Variants in SEMA3A observed in about 807,000 individuals in gnomAD.
SEMA3A encodes semaphorin-3A.
SEMA3A carries 29 observed loss-of-function variants against 97.9 expected under a neutral mutation model. That is an observed-to-expected ratio of 0.30 (90% CI 0.22 to 0.40). The LOEUF (loss-of-function observed/expected upper bound fraction) is 0.40, where lower values mean the gene tolerates loss of function less well. Ranked by LOEUF, SEMA3A falls within the 10% of genes least tolerant of loss-of-function variation. The probability of loss-of-function intolerance (pLI) is 1.00; values close to 1 mark genes in which losing one functional copy is unlikely to be tolerated. For synonymous variants in SEMA3A, 321 were observed against 323.7 expected (o/e 0.99, Z 0.09); for missense variants, 763 against 951.3 (o/e 0.80, Z 2.60).
intron 1 of SEMA3A, among the ~76,000 whole-genome samples, chr7:84,460,374 C>T (rs1054888009): frequency 6.6e-5 from 10 of 150,956 alleles, no homozygotes; most frequent in African/African-American, 1.9e-4. Context: ...TAATGAATCA[C>T]GTGGAGCTAT....
intron 4 of SEMA3A, among the ~76,000 whole-genome samples, chr7:84,100,451 T>C (rs1794926727): frequency 6.6e-6 from 1 of 152,174 alleles, no homozygotes; most frequent in Non-Finnish European, 1.5e-5. Flanking sequence ...TTCTCATTAG[T>C]AAAATGAAGA....
rs1195105423 is a variant in SEMA3A at position 84,207,798 on chromosome 7, T to C, written c.-82-13130A>G. Among the ~76,000 whole-genome samples, 4 of 152,208 alleles carry C rather than the reference T, an allele frequency of 2.6e-5. No individual in the cohort carries two copies. The East Asian group carries it at 5.8e-4, about 22-fold the overall frequency. On this transcript the variant is annotated intron_variant, in intron 3 of 3. Coordinates refer to the SEMA3A transcript ENST00000424555. ...TAGTAGGTTGGTGGGGCTGTTGCTA[T>C]GGGAGGCGGGTTTCCCTGCAATTGA...
chr7:84,386,596 T>C (rs531118856), intron 1 of SEMA3A, among the ~76,000 whole-genome samples: 3 of 152,340 alleles, frequency 2.0e-5, no homozygotes, highest in African/African-American at 7.2e-5. Context: ...CCCTCCCATA[T>C]ATAATTTTGC....
rs536378847 is a variant in SEMA3A at position 84,173,978 on chromosome 7, T to C, written c.112+20497A>G. 3.3e-5 allele frequency among the ~76,000 whole-genome samples: 5 copies of C among 152,296 alleles called. No individual in the cohort carries two copies. In the East Asian group the frequency reaches 9.7e-4, roughly 29 times the overall value. ...ATCTGAGGTGGAGCTGAGCCGGTGATGCTAGCGCTGGGGAGCAGTTGCTAA... is the reference window on the plus strand; with the variant it reads ...ATCTGAGGTGGAGCTGAGCCGGTGACGCTAGCGCTGGGGAGCAGTTGCTAA... On this transcript the variant is annotated intron_variant, in intron 1 of 16. Transcript: ENST00000265362.
chr7:84,282,268 A>G (rs892039981), intron 3 of SEMA3A, among the ~76,000 whole-genome samples: 10 of 151,858 alleles, frequency 6.6e-5, no homozygotes, highest in Non-Finnish European at 1.3e-4. Context: ...TTCCTAGTTG[A>G]CTCTTTTTTG....
chr7:83,989,691 C>A (rs797813), intron 12 of SEMA3A, among the ~76,000 whole-genome samples: 41,007 of 127,918 alleles, frequency 0.32, 7,079 homozygotes, highest in East Asian at 0.8. Context: ...TGTATATGTG[C>A]CACATTTTCT....
chr7:84,214,943 C>T (rs190537573), intron 3 of SEMA3A, among the ~76,000 whole-genome samples: 3,297 of 150,272 alleles, frequency 0.022, 50 homozygotes, highest in Non-Finnish European at 0.034. Flanking sequence ...TTAGATGATC[C>T]GCCCCCCCTT....
At chr7:84,203,526 A>ATATATATATTTTTTTTTTTTTTTTT (rs372380784) in intron 3 of SEMA3A, among the ~76,000 whole-genome samples, 1 of 25,674 alleles carries the variant, frequency 3.9e-5, no homozygotes, top group Non-Finnish European at 7.1e-5. Context: ...ATATATATAT[A>ATATATATATTTTTTTTTTTTTTTTT]TTTTTTTTTT....
At chr7:84,030,823 T>C (rs1242390759) in intron 6 of SEMA3A, among the ~76,000 whole-genome samples, 1 of 152,168 alleles carries the variant, frequency 6.6e-6, no homozygotes, top group African/African-American at 2.4e-5. Context: ...ACAATGATTT[T>C]ATCTAATTTT....
intron 1 of SEMA3A, among the ~76,000 whole-genome samples, chr7:84,145,356 G>A (rs563240475): frequency 9.9e-4 from 151 of 151,972 alleles, no homozygotes; most frequent in African/African-American, 3.5e-3. Flanking sequence ...TACTCCTGGC[G>A]TATACCTACT....
intron 3 of SEMA3A, among the ~76,000 whole-genome samples, chr7:84,280,977 G>A (rs980530004): frequency 1.3e-5 from 2 of 151,934 alleles, no homozygotes; most frequent in Non-Finnish European, 2.9e-5. Context: ...TGTTATAAAC[G>A]ATATACTTCT....
chr7:84,243,256 C>T (rs1337344337), intron 3 of SEMA3A, among the ~76,000 whole-genome samples: 6 of 152,046 alleles, frequency 3.9e-5, no homozygotes, highest in Admixed American at 3.3e-4. Flanking sequence ...TGGTAGAATT[C>T]GGCTGTGAAT....
chr7:84,083,427 C>A, intron 4 of SEMA3A, among the ~76,000 whole-genome samples: 1 of 135,626 alleles, frequency 7.4e-6, no homozygotes, highest in Admixed American at 7.2e-5. Context: ...CTTAGGCATT[C>A]ATCATTTTTT....
intron 1 of SEMA3A, among the ~76,000 whole-genome samples, chr7:84,476,657 A>G (rs1174010078): frequency 6.6e-6 from 1 of 152,204 alleles, no homozygotes; most frequent in Non-Finnish European, 1.5e-5. Context: ...AAAATCTTGT[A>G]TTCCTTAGAT....
chr7:84,346,643 T>C (rs1483511538), intron 2 of SEMA3A, among the ~76,000 whole-genome samples: 1 of 152,144 alleles, frequency 6.6e-6, no homozygotes, highest in African/African-American at 2.4e-5. Flanking sequence ...TCTATTAACT[T>C]TGCCGTCTTA....
At chr7:84,173,491 G>A (rs1167573131) in intron 1 of SEMA3A, among the ~76,000 whole-genome samples, 4 of 149,998 alleles carry the variant, frequency 2.7e-5, no homozygotes, top group East Asian at 2.0e-4. Context: ...CCCGGGAGGC[G>A]GAGGTTGCGG....
At chr7:84,185,474 C>A (rs1797848718) in intron 1 of SEMA3A, among the ~76,000 whole-genome samples, 1 of 151,476 alleles carries the variant, frequency 6.6e-6, no homozygotes, top group Admixed American at 6.6e-5. Context: ...GAGTTCGAGA[C>A]CAGCCTGGAC....
rs149727396 is a variant in SEMA3A at position 84,042,906 on chromosome 7, C to T, written c.667+3418G>A. Among the ~76,000 whole-genome samples the T allele has an allele frequency of 2.0e-3, 301 of 152,098 alleles. 1 individual carries two copies. The highest frequency in any genetic ancestry group is 6.8e-3 in the African/African-American group (284 of 41,512). ...ATTTTCATACTAAATGTTAAGATAT[C>T]ATTATGATAACAGCAGCATAAACTT... On this transcript the variant is annotated intron_variant, in intron 6 of 16. Transcript: ENST00000265362.
intron 3 of SEMA3A, among the ~76,000 whole-genome samples, chr7:84,116,990 G>A (rs2115967980): frequency 6.6e-6 from 1 of 152,246 alleles, no homozygotes; most frequent in African/African-American, 2.4e-5. Context: ...TTCACCATCA[G>A]AACATACATG....
Sources: gnomAD v4.1 joint callset for allele counts (sites outside exome capture counted in the v4.1 genomes callset) on GRCh38, gnomAD v4.1.1 for gene constraint, MANE v1.5 for transcripts, NCBI Gene and HGNC (gene_info 2026-07-23, HGNC 2026-07-21) for gene names.